The following KAZN variants were observed in gnomAD, a reference collection of about 807,000 sequenced individuals.
The protein encoded by KAZN is kazrin.
A neutral mutation model predicts 87.4 loss-of-function variants in KAZN; 40 were observed. The ratio of observed to expected loss-of-function variants is 0.46; its 90% CI spans 0.36 to 0.60. The LOEUF (loss-of-function observed/expected upper bound fraction) is 0.60. Ranked by LOEUF, KAZN falls within the 20% of genes least tolerant of loss-of-function variation. KAZN has a pLI of 0.00. For missense variants in KAZN, 898 were observed against 1,073.9 expected, an observed-to-expected ratio of 0.84 and a Z score of 2.29; for synonymous variants, 466 against 458.3, an observed-to-expected ratio of 1.02 and a Z score of -0.22.
At chr1:14,669,115 A>G (rs946547493) in intron 1 of KAZN, among the ~76,000 whole-genome samples, 3 of 151,676 alleles carry the variant, frequency 2.0e-5, no homozygotes, top group African/African-American at 7.3e-5. Flanking sequence ...ACAGAGTGGG[A>G]CCTTTATTCA....
At chr1:14,456,867 G>A (rs1667593519) in intron 2 of KAZN, among the ~76,000 whole-genome samples, 1 of 152,120 alleles carries the variant, frequency 6.6e-6, no homozygotes, top group Non-Finnish European at 1.5e-5. Context: ...ATCACTTGAG[G>A]TCAAGAGTTC....
chr1:14,080,632 C>T (rs1296992923), intron 1 of KAZN, among the ~76,000 whole-genome samples: 1 of 152,204 alleles, frequency 6.6e-6, no homozygotes, highest in African/African-American at 2.4e-5. Flanking sequence ...AAATGAGATA[C>T]TGTATGTGCA....
At chr1:14,539,768 G>C (rs72862076) in intron 2 of KAZN, among the ~76,000 whole-genome samples, 53 of 150,948 alleles carry the variant, frequency 3.5e-4, no homozygotes, top group African/African-American at 1.3e-3. Context: ...TTCATTTTCT[G>C]TTATCTCCAA....
At position 14,125,171 on chromosome 1, in the gene KAZN, G is replaced by A. The variant is rs142394820; in HGVS notation, c.92-55264G>A. ...ATCCTCTCTTGTAGAAGGGCATCCT[G>A]TGCTCTGTGGGATGTTTGGCAGCTT... On this transcript the variant is annotated intron_variant, in intron 1 of 16. Coordinates refer to the KAZN transcript ENST00000636203. Among the ~76,000 whole-genome samples the A allele has an allele frequency of 6.2e-3, 937 of 152,262 alleles. 8 individuals are homozygous for A. The highest frequency in any genetic ancestry group is 6.2e-3 in the Non-Finnish European group (423 of 68,020).
intron 1 of KAZN, among the ~76,000 whole-genome samples, chr1:14,716,668 G>C (rs1233528709): frequency 2.0e-5 from 3 of 152,128 alleles, no homozygotes; most frequent in Non-Finnish European, 2.9e-5. Context: ...CACCTGAAAG[G>C]CTGGCATTTC....
intron 2 of KAZN, among the ~76,000 whole-genome samples, chr1:14,303,632 T>C (rs1654713867): frequency 6.6e-6 from 1 of 152,174 alleles, no homozygotes; most frequent in Non-Finnish European, 1.5e-5. Context: ...CTCCAGGCTC[T>C]CAAATGTCCT....
chr1:14,185,001 C>T (rs1457494193), intron 2 of KAZN, among the ~76,000 whole-genome samples: 4 of 152,168 alleles, frequency 2.6e-5, no homozygotes, highest in Admixed American at 2.0e-4. Flanking sequence ...TTATCTGGAG[C>T]TTTCTAGCTG....
chr1:14,452,128 T>A (rs1181958143), intron 2 of KAZN, among the ~76,000 whole-genome samples: 1 of 151,888 alleles, frequency 6.6e-6, no homozygotes, highest in Non-Finnish European at 1.5e-5. Flanking sequence ...TTAGAAGAGA[T>A]GGGGTTTCAC....
intron 1 of KAZN, among the ~76,000 whole-genome samples, chr1:14,122,623 C>T (rs1466789158): frequency 6.6e-6 from 1 of 152,158 alleles, no homozygotes; most frequent in Admixed American, 6.5e-5. Flanking sequence ...TATTATTAAG[C>T]CACAGTAGAA....
intron 3 of KAZN, among the ~76,000 whole-genome samples, chr1:15,036,727 A>C (rs6674129): frequency 0.63 from 95,388 of 151,976 alleles, 31,460 homozygotes; most frequent in African/African-American, 0.85. Flanking sequence ...GGTAGGGGAC[A>C]CCGCTATCCT....
intron 2 of KAZN, among the ~76,000 whole-genome samples, chr1:14,518,738 A>G (rs544985252): frequency 4.1e-4 from 63 of 152,308 alleles, no homozygotes; most frequent in African/African-American, 1.3e-3. Context: ...TCAAGCCTCC[A>G]TTTTCTCATC....
intron 1 of KAZN, among the ~76,000 whole-genome samples, chr1:13,950,811 G>A (rs1261766036): frequency 6.6e-6 from 1 of 152,168 alleles, no homozygotes; most frequent in Non-Finnish European, 1.5e-5. Context: ...GAGGTCAAGG[G>A]GGTTCAAGGA....
At chr1:15,101,411 T>G (rs1048586778) in intron 10 of KAZN, 132 bp from the exon 11 acceptor site, 1 of 649,078 alleles carries the variant, frequency 1.5e-6, no homozygotes, top group African/African-American at 1.8e-5. Context: ...CATGTCTGTC[T>G]CTGTGGCTCT....
chr1:14,805,283 G>C (rs1447182573), intron 1 of KAZN, among the ~76,000 whole-genome samples: 2 of 152,172 alleles, frequency 1.3e-5, no homozygotes, highest in East Asian at 3.9e-4. Context: ...TCACGCTGGG[G>C]TGTTGCTTCA....
intron 2 of KAZN, among the ~76,000 whole-genome samples, chr1:14,433,011 T>TGC (rs1666167227): frequency 1.3e-5 from 2 of 150,134 alleles, no homozygotes; most frequent in South Asian, 4.3e-4. Flanking sequence ...TAGGTGGTTG[T>TGC]GCACACACAC....
At chr1:14,505,347 G>A (rs1670517686) in intron 2 of KAZN, among the ~76,000 whole-genome samples, 1 of 152,210 alleles carries the variant, frequency 6.6e-6, no homozygotes, top group Non-Finnish European at 1.5e-5. Flanking sequence ...CTAGAAGACA[G>A]GTCCTAGGCA....
At chr1:13,967,296 C>A (rs564784037) in intron 1 of KAZN, among the ~76,000 whole-genome samples, 2 of 152,100 alleles carry the variant, frequency 1.3e-5, no homozygotes, top group African/African-American at 4.8e-5. Context: ...TAAGAAGGTG[C>A]CCACTCTCAC....
chr1:15,060,378 G>T, intron 6 of KAZN, 76 bp downstream of exon 6: 1 of 1,578,054 alleles, frequency 6.3e-7, no homozygotes, highest in Admixed American at 1.7e-5. Flanking sequence ...GCGGGGTGAA[G>T]CCATACTCGC....
At chr1:14,417,993 C>CACAAAAA in intron 2 of KAZN, among the ~76,000 whole-genome samples, 1 of 33,814 alleles carries the variant, frequency 3.0e-5, no homozygotes, top group Middle Eastern at 0.045. Flanking sequence ...GAGACTGCCT[C>CACAAAAA]AAAAAAAAAA....
Sources: allele counts gnomAD v4.1 joint callset (sites outside exome capture counted in the v4.1 genomes callset), GRCh38; gene constraint gnomAD v4.1.1; transcripts MANE v1.5; gene names NCBI Gene and HGNC (gene_info 2026-07-23, HGNC 2026-07-21).